BMPR2: variants seen among roughly 807,000 people sequenced by gnomAD.
The protein encoded by BMPR2 is bone morphogenetic protein receptor type-2.
Under a neutral mutation model 100.8 loss-of-function variants are expected in BMPR2, and 29 were observed. The ratio of observed to expected loss-of-function variants is 0.29; its 90% CI spans 0.21 to 0.39. The LOEUF is 0.39. BMPR2 is among the 10% of genes least tolerant of loss of function. The probability of loss-of-function intolerance (pLI) is 1.00; values close to 1 mark genes in which losing one functional copy is unlikely to be tolerated. For synonymous variants in BMPR2, 382 were observed against 442.3 expected (o/e 0.86, Z 1.71); for missense variants, 1,011 against 1,274.5 (o/e 0.79, Z 3.15).
intron 3 of BMPR2, among the ~76,000 whole-genome samples, chr2:202,487,063 T>C (rs1304079980): frequency 6.6e-6 from 1 of 151,324 alleles, no homozygotes; most frequent in Non-Finnish European, 1.5e-5. Flanking sequence ...CCATTTTTAT[T>C]AATAAAAAAA....
At chr2:202,377,623 A>C (rs553880970) in intron 1 of BMPR2, 73 bp downstream of exon 1, 3 of 1,538,160 alleles carry the variant, frequency 2.0e-6, no homozygotes, top group Middle Eastern at 3.7e-4. Context: ...GCAGAGGCCG[A>C]GGCCTGTGCT....
chr2:202,411,851 A>G (rs1177602784), intron 1 of BMPR2, among the ~76,000 whole-genome samples: 1 of 152,208 alleles, frequency 6.6e-6, no homozygotes, highest in Non-Finnish European at 1.5e-5. Flanking sequence ...TCTCAAAGTC[A>G]TAAACAAGAA....
At chr2:202,546,635 G>C (rs958682545) in intron 10 of BMPR2, among the ~76,000 whole-genome samples, 1 of 151,938 alleles carries the variant, frequency 6.6e-6, no homozygotes, top group African/African-American at 2.4e-5. Flanking sequence ...ACAGAGTCTC[G>C]CTCTGTCACT....
chr2:202,484,142 G>A (rs2105975750), intron 3 of BMPR2, among the ~76,000 whole-genome samples: 1 of 152,280 alleles, frequency 6.6e-6, no homozygotes, highest in East Asian at 1.9e-4. Flanking sequence ...TTGCTTTTAA[G>A]CTATGGTAAA....
chr2:202,527,327 A>G (rs1663966822), intron 7 of BMPR2, among the ~76,000 whole-genome samples: 1 of 151,738 alleles, frequency 6.6e-6, no homozygotes, highest in Non-Finnish European at 1.5e-5. Flanking sequence ...TCTACTAAAA[A>G]TACAAAAAAA....
rs1278509028 is a variant in BMPR2, at chr2:202,562,326, TTAAAA to T, written c.*2384_*2388del. 2.0e-5 allele frequency: 3 copies of T among 152,606 alleles called. No homozygotes were observed. Among genetic ancestry groups the T allele is most frequent in the Non-Finnish European group, 2.9e-5 (2 of 68,006 alleles). The allele number at this position is 152,606 out of a possible 1,614,324, so 9.5% of individuals were successfully genotyped here. A position where few individuals can be genotyped will look rare whatever the true frequency, so the allele number is the denominator to read the frequency against. On this transcript the variant is annotated 3_prime_UTR_variant, in exon 13 of 13. Coordinates refer to ENST00000374580, the MANE Select transcript of BMPR2 (RefSeq NM_001204.7). ...ATGCTTTAAAAATTAATATGCCAGA[TTAAAA>T]TAACTGAATAGTTTACTATTTCATT...
chr2:202,393,193 C>G (rs1013758527), intron 1 of BMPR2, among the ~76,000 whole-genome samples: 2 of 152,096 alleles, frequency 1.3e-5, no homozygotes, highest in African/African-American at 4.8e-5. Context: ...CCCTAGTAGT[C>G]CATTCTAGTA....
rs563914946 is a variant in BMPR2, at chr2:202,463,493, G to A, written c.77-1316G>A. Reference sequence around the variant, plus strand: ...TAAATCAGCCTCAGTGCTATGGTGCGTATGAATTAAGCCATACTAAAGGTA... The same window carrying A: ...TAAATCAGCCTCAGTGCTATGGTGCATATGAATTAAGCCATACTAAAGGTA... On this transcript the variant is annotated intron_variant, in intron 1 of 12. Transcript: ENST00000374580. Among the ~76,000 whole-genome samples, 8 of 152,234 alleles carry A rather than the reference G, an allele frequency of 5.3e-5. No homozygotes were observed. In the East Asian group the frequency reaches 7.7e-4, roughly 15 times the overall value.
chr2:202,503,066 C>A lies in BMPR2; in HGVS notation c.419-10653C>A, dbSNP rs1274192682. ...CCTGGACCGACCCTCTGGCACTTCC[C>A]CTGGCCTAGAGAGTTCCCCTCTGAA... is the stretch of plus-strand genomic sequence containing the variant. On this transcript the variant is annotated intron_variant, in intron 3 of 12. Coordinates refer to ENST00000374580, the MANE Select transcript of BMPR2 (RefSeq NM_001204.7). The surrounding 1 kb of genome is among the most constrained non-coding windows in gnomAD (Gnocchi z 4.0). Among the ~76,000 whole-genome samples, 1 of 152,240 alleles carries A rather than the reference C, an allele frequency of 6.6e-6. No individual in the cohort carries two copies. The highest frequency in any genetic ancestry group is 2.4e-5 in the African/African-American group (1 of 41,476).
intron 1 of BMPR2, among the ~76,000 whole-genome samples, chr2:202,420,207 GA>G (rs1471805219): frequency 2.0e-5 from 3 of 151,626 alleles, no homozygotes; most frequent in East Asian, 1.9e-4. Context: ...AAAAGACTAA[GA>G]AAAAAATACA....
At chr2:202,539,079 A>G (rs138647615) in intron 9 of BMPR2, among the ~76,000 whole-genome samples, 152 of 152,294 alleles carry the variant, frequency 1.0e-3, no homozygotes, top group African/African-American at 3.2e-3. Context: ...ACCCCCATGA[A>G]GTAGGTTAAT....
chr2:202,532,558 C>A lies in BMPR2; in HGVS notation c.1129-27C>A, dbSNP rs1402559468. On this transcript the variant is annotated intron_variant, in intron 8 of 12. Coordinates refer to ENST00000374580, the MANE Select transcript of BMPR2 (RefSeq NM_001204.7). This position sits in a 1 kb window ranked among gnomAD's most constrained non-coding sequence, Gnocchi z 4.1. ...CTTCAGAATATGCTACGTTCTCTCT[C>A]TAAAAAATATCACTCTAATTTATCA... The A allele has an allele frequency of 1.2e-6, 2 of 1,611,672 alleles. No homozygotes were observed. The highest frequency in any genetic ancestry group is 1.7e-6 in the Non-Finnish European group (2 of 1,178,020).
intron 3 of BMPR2, among the ~76,000 whole-genome samples, chr2:202,492,700 C>CAAAAAAAAAAAA (rs1166246933): frequency 1.7e-4 from 9 of 52,808 alleles, no homozygotes; most frequent in Non-Finnish European, 2.2e-4. Context: ...AGCTCTGTCT[C>CAAAAAAAAAAAA]AAAAAAAAAA....
At chr2:202,475,610 G>T (rs1015997839) in intron 3 of BMPR2, among the ~76,000 whole-genome samples, 3 of 152,008 alleles carry the variant, frequency 2.0e-5, no homozygotes, top group African/African-American at 7.2e-5. Flanking sequence ...CCTCTATCCC[G>T]TATCTACCCT....
chr2:202,501,334 C>T (rs1687386280), intron 3 of BMPR2, among the ~76,000 whole-genome samples: 1 of 152,156 alleles, frequency 6.6e-6, no homozygotes, highest in Non-Finnish European at 1.5e-5. Flanking sequence ...TAGCCAGGCT[C>T]CTCTATACTC....
chr2:202,515,124 CA>C, intron 5 of BMPR2, 145 bp downstream of exon 5: 1 of 775,882 alleles, frequency 1.3e-6, no homozygotes, highest in Non-Finnish European at 2.2e-6. Context: ...CTATTCTAGG[CA>C]CTAGGAACAT....
intron 1 of BMPR2, among the ~76,000 whole-genome samples, chr2:202,444,069 T>A (rs1691801735): frequency 6.7e-6 from 1 of 150,372 alleles, no homozygotes; most frequent in African/African-American, 2.5e-5. Context: ...TCTCCAAATA[T>A]CCCCTGGGGC....
At chr2:202,483,438 A>T (rs902535659) in intron 3 of BMPR2, among the ~76,000 whole-genome samples, 1 of 151,008 alleles carries the variant, frequency 6.6e-6, no homozygotes, top group African/African-American at 2.4e-5. Context: ...CTGGAGTGCA[A>T]TGGTGTCATC....
chr2:202,549,134 TA>T (rs1483692664), intron 10 of BMPR2, among the ~76,000 whole-genome samples: 2 of 152,184 alleles, frequency 1.3e-5, no homozygotes, highest in Non-Finnish European at 2.9e-5. Context: ...AATGGAATCA[TA>T]TAAATGTACT....
Sources: gnomAD v4.1 joint callset for allele counts (sites outside exome capture counted in the v4.1 genomes callset) on GRCh38, gnomAD v4.1.1 for gene constraint, Gnocchi (gnomAD v3.1) non-coding constraint, MANE v1.5 for transcripts, NCBI Gene and HGNC (gene_info 2026-07-23, HGNC 2026-07-21) for gene names.